DENND4C: variants seen among roughly 807,000 people sequenced by gnomAD.
DENND4C encodes DENN domain-containing protein 4C.
DENND4C carries 108 observed loss-of-function variants against 203.0 expected under a neutral mutation model. The observed-to-expected ratio is 0.53, with a 90% confidence interval of 0.46 to 0.62. The LOEUF (loss-of-function observed/expected upper bound fraction) is 0.62. Ranked by LOEUF, DENND4C falls within the 20% of genes least tolerant of loss-of-function variation. DENND4C has a pLI of 0.00. For missense variants in DENND4C, 2,481 were observed against 2,301.2 expected (o/e 1.08, Z -1.60); for synonymous variants, 871 against 792.4 (o/e 1.10, Z -1.67).
chr9:19,363,491 G>A (rs1439181267), intron 30 of DENND4C, among the ~76,000 whole-genome samples: 1 of 151,396 alleles, frequency 6.6e-6, no homozygotes, highest in Non-Finnish European at 1.5e-5. Context: ...GACAGAGTGA[G>A]ACTCCATCTC....
rs1308771500 is a variant in DENND4C at position 19,303,081 on chromosome 9, T to G, written c.1312-2271T>G. On this transcript the variant is annotated intron_variant, in intron 9 of 32. Transcript: ENST00000434457. Reference sequence around the variant, plus strand: ...TCTAAAATGCTTGGAAAGAAGTGCTTTGGATTGAGGACTTTTTTGGATTTT... The same window carrying G: ...TCTAAAATGCTTGGAAAGAAGTGCTGTGGATTGAGGACTTTTTTGGATTTT... Among the ~76,000 whole-genome samples the G allele has an allele frequency of 3.9e-5, 6 of 152,108 alleles. No homozygotes were observed. The East Asian group carries it at 1.2e-3, about 29-fold the overall frequency.
intron 1 of DENND4C, among the ~76,000 whole-genome samples, chr9:19,258,743 C>G (rs925567705): frequency 6.6e-6 from 1 of 151,958 alleles, no homozygotes; most frequent in African/African-American, 2.4e-5. Flanking sequence ...CAGCCTCTGC[C>G]TTCTGGGTTC....
intron 10 of DENND4C, 114 bp from the exon 11 acceptor site, chr9:19,316,303 G>T (rs1256268954): frequency 2.7e-6 from 2 of 738,224 alleles, no homozygotes; most frequent in Non-Finnish European, 4.5e-6. Flanking sequence ...CATCAGTTAA[G>T]ACTGTAGTAA....
chr9:19,344,031 G>A (rs1419383413), intron 22 of DENND4C, among the ~76,000 whole-genome samples: 1 of 152,070 alleles, frequency 6.6e-6, no homozygotes, highest in South Asian at 2.1e-4. Context: ...TCCCGTGAAG[G>A]CTTAAAAGAA....
chr9:19,357,844 T>G, intron 27 of DENND4C, 121 bp from the exon 28 acceptor site: 1 of 775,024 alleles, frequency 1.3e-6, no homozygotes, highest in East Asian at 2.7e-5. Context: ...TACAAGGTGG[T>G]GCTGATTCTT....
chr9:19,320,525 T>C (rs1452631888), intron 12 of DENND4C, among the ~76,000 whole-genome samples: 2 of 152,174 alleles, frequency 1.3e-5, no homozygotes, highest in African/African-American at 4.8e-5. Flanking sequence ...GGCATGTATT[T>C]TTTAGTTAGT....
At chr9:19,290,616 C>T in intron 4 of DENND4C, 88 bp from the exon 5 acceptor site, 1 of 889,210 alleles carries the variant, frequency 1.1e-6, no homozygotes, top group Non-Finnish European at 1.5e-6. Flanking sequence ...TGAAATTCGG[C>T]ATTAAAATAT....
At position 19,350,744 on chromosome 9, in the gene DENND4C, G is replaced by T. The variant is rs753158448; in HGVS notation, c.4360G>T (p.Asp1454Tyr). The T allele has an allele frequency of 5.6e-6, 9 of 1,613,678 alleles. No homozygotes were observed. The Middle Eastern group carries it at 4.9e-4, about 88-fold the overall frequency. Residue 1454 changes from aspartate to tyrosine, a missense_variant, in exon 24 of 33, where the codon GAC becomes TAC. Physicochemically the swap from Asp to Tyr is radical, Grantham distance 160. Coordinates refer to ENST00000434457, the MANE Select transcript of DENND4C (RefSeq NM_001330640.2). ...CTACAGCTTCCCAGCTGGCCTAGAAGACCATATTTTGGGGGAGAATATATC... is the reference window on the plus strand; with the variant it reads ...CTACAGCTTCCCAGCTGGCCTAGAATACCATATTTTGGGGGAGAATATATC... ...RDYSFPAGLE[D>Y]HILGENISPN...
intron 21 of DENND4C, 65 bp from the exon 22 acceptor site, chr9:19,342,568 A>G: frequency 6.8e-7 from 1 of 1,467,054 alleles, no homozygotes; most frequent in East Asian, 2.4e-5. Context: ...TCTAAAAGTC[A>G]ATATATGGTT....
chr9:19,274,674 A>G (rs1832503884), intron 1 of DENND4C, among the ~76,000 whole-genome samples: 1 of 152,232 alleles, frequency 6.6e-6, no homozygotes. Flanking sequence ...ATTTTTAGAT[A>G]TAAAAGATTT....
chr9:19,367,889 G>C (rs954859893), intron 30 of DENND4C, among the ~76,000 whole-genome samples: 1 of 152,216 alleles, frequency 6.6e-6, no homozygotes, highest in Non-Finnish European at 1.5e-5. Flanking sequence ...AACCAGTTGT[G>C]AAGGAGCATA....
At chr9:19,297,907 C>T in intron 6 of DENND4C, 149 bp from the exon 7 acceptor site, 1 of 562,912 alleles carries the variant, frequency 1.8e-6, no homozygotes, top group South Asian at 3.2e-5. Flanking sequence ...AATTCATTTA[C>T]ATGGAGCAAA....
intron 30 of DENND4C, among the ~76,000 whole-genome samples, chr9:19,366,433 C>T (rs1484454351): frequency 6.6e-6 from 1 of 152,104 alleles, no homozygotes; most frequent in Non-Finnish European, 1.5e-5. Context: ...AACCCCATCT[C>T]TACTAAAAAA....
intron 12 of DENND4C, among the ~76,000 whole-genome samples, chr9:19,319,447 T>TAC (rs1842510663): frequency 6.9e-6 from 1 of 145,834 alleles, no homozygotes; most frequent in South Asian, 2.1e-4. Context: ...CATATATATA[T>TAC]ACATATATAT....
intron 12 of DENND4C, among the ~76,000 whole-genome samples, chr9:19,317,081 A>G (rs1194431896): frequency 1.3e-5 from 2 of 151,992 alleles, no homozygotes; most frequent in Non-Finnish European, 2.9e-5. Flanking sequence ...GATGTTACCT[A>G]TATTTACAAT....
chr9:19,232,455 A>G (rs1476047901), intron 1 of DENND4C, among the ~76,000 whole-genome samples: 1 of 152,208 alleles, frequency 6.6e-6, no homozygotes. Context: ...AGTGTACAGT[A>G]CTACTATTTA....
chr9:19,315,154 T>TC (rs1268457220), intron 10 of DENND4C, among the ~76,000 whole-genome samples: 20 of 21,674 alleles, frequency 9.2e-4, no homozygotes, highest in Admixed American at 4.4e-3. Flanking sequence ...AGACTCCGTC[T>TC]CAAAAAAAAA....
intron 30 of DENND4C, among the ~76,000 whole-genome samples, chr9:19,366,895 A>G (rs1827796608): frequency 6.6e-6 from 1 of 152,254 alleles, no homozygotes; most frequent in African/African-American, 2.4e-5. Context: ...AATTTAAACC[A>G]TCAAAAAAGT....
At chr9:19,241,745 C>T (rs141799039) in intron 1 of DENND4C, among the ~76,000 whole-genome samples, 5 of 151,884 alleles carry the variant, frequency 3.3e-5, no homozygotes, top group Admixed American at 1.3e-4. Flanking sequence ...ATAAGTAGAA[C>T]GGTGACTCTC....
Sources: allele counts gnomAD v4.1 joint callset (sites outside exome capture counted in the v4.1 genomes callset), GRCh38; gene constraint gnomAD v4.1.1; transcripts MANE v1.5; gene names NCBI Gene and HGNC (gene_info 2026-07-23, HGNC 2026-07-21).